PRELID2: variants seen among roughly 807,000 people sequenced by gnomAD.
The protein encoded by PRELID2 is PRELI domain containing 2.
A neutral mutation model predicts 28.4 loss-of-function variants in PRELID2; 25 were observed. The ratio of observed to expected loss-of-function variants is 0.88; its 90% CI spans 0.64 to 1.23. The LOEUF is 1.23. PRELID2 is among the 50% of genes most tolerant of loss of function. PRELID2 has a pLI of 0.00. For synonymous variants in PRELID2, 76 were observed against 71.6 expected, an observed-to-expected ratio of 1.06 and a Z score of -0.31; for missense variants, 201 against 214.4, an observed-to-expected ratio of 0.94 and a Z score of 0.39.
chr5:145,481,296 A>G (rs1413290528), intron 1 of PRELID2, among the ~76,000 whole-genome samples: 1 of 151,626 alleles, frequency 6.6e-6, no homozygotes, highest in Non-Finnish European at 1.5e-5. Flanking sequence ...TTTTCTTTTA[A>G]CTTTTAATTC....
the PRELID2 span, among the ~76,000 whole-genome samples, chr5:145,414,608 C>A: frequency 6.6e-6 from 1 of 152,108 alleles, no homozygotes; most frequent in Non-Finnish European, 1.5e-5. Context: ...ATATAGTAGG[C>A]CTTCAATAAA....
intron 1 of PRELID2, among the ~76,000 whole-genome samples, chr5:145,490,998 CA>C (rs1193782008): frequency 6.6e-6 from 1 of 150,816 alleles, no homozygotes; most frequent in Admixed American, 6.7e-5. Flanking sequence ...CACCTGTCTT[CA>C]AAACTTCTTC....
At chr5:145,360,351 G>A in the PRELID2 span, among the ~76,000 whole-genome samples, 1 of 152,112 alleles carries the variant, frequency 6.6e-6, no homozygotes, top group Admixed American at 6.6e-5. Flanking sequence ...AAAGGCAAAA[G>A]CATAAGCAGT....
At chr5:145,230,109 A>G in the PRELID2 span, 77 of 593,542 alleles carry the variant, frequency 1.3e-4, no homozygotes, top group Admixed American at 1.6e-3. Context: ...CCCCAAGTAC[A>G]GGTGCTAATT....
chr5:145,694,110 T>G (rs558326635), intron 1 of PRELID2, among the ~76,000 whole-genome samples: 36 of 152,330 alleles, frequency 2.4e-4, no homozygotes, highest in Non-Finnish European at 4.1e-4. Flanking sequence ...AGCATAAATT[T>G]GTTGTGAGAA....
At chr5:145,772,765 TTCTTCCTTTCTTTATTG>T (rs1758188497) in intron 5 of PRELID2, among the ~76,000 whole-genome samples, 1 of 152,222 alleles carries the variant, frequency 6.6e-6, no homozygotes, top group Non-Finnish European at 1.5e-5. Flanking sequence ...GCAAGAGCTT[TTCTTCCTTTCTTTATTG>T]GCTGTATTCA....
intron 1 of PRELID2, among the ~76,000 whole-genome samples, chr5:145,659,097 G>A (rs1378637932): frequency 6.6e-6 from 1 of 152,154 alleles, no homozygotes; most frequent in Non-Finnish European, 1.5e-5. Flanking sequence ...TGGAGTTAGG[G>A]AAGGGTCGGA....
intron 1 of PRELID2, among the ~76,000 whole-genome samples, chr5:145,578,128 T>C (rs1580982937): frequency 6.6e-6 from 1 of 152,148 alleles, no homozygotes. Flanking sequence ...TTGACCTTAC[T>C]ACCACTAGAA....
the PRELID2 span, chr5:145,229,773 C>T: frequency 1.3e-6 from 1 of 754,688 alleles, no homozygotes; most frequent in South Asian, 1.3e-5. Flanking sequence ...ATTTGCTGAG[C>T]TGATATACAC....
chr5:145,792,692 T>C (rs1180744261), intron 5 of PRELID2, among the ~76,000 whole-genome samples: 1 of 152,132 alleles, frequency 6.6e-6, no homozygotes. Context: ...TCTAGTTGTC[T>C]AGACTGTATG....
rs531134893 is a variant in PRELID2 at position 145,646,321 on chromosome 5, G to C, written n.70+118610C>G. On this transcript the variant is annotated intron_variant and non_coding_transcript_variant, in intron 1 of 2. Transcript: ENST00000510259. ...TGATATCCTTTCTTCCTCTTGATCT[G>C]TACGGCTATTGATACTTGTGTATGC... Among the ~76,000 whole-genome samples, 3 of 151,984 alleles carry C rather than the reference G, an allele frequency of 2.0e-5. No homozygotes were observed. The South Asian group carries it at 6.2e-4, about 32-fold the overall frequency.
intron 1 of PRELID2, among the ~76,000 whole-genome samples, chr5:145,493,396 C>T (rs982390637): frequency 1.3e-5 from 2 of 152,180 alleles, no homozygotes; most frequent in African/African-American, 4.8e-5. Flanking sequence ...CTTTCACAGA[C>T]CACCAACTAA....
chr5:145,379,698 CA>C, the PRELID2 span, among the ~76,000 whole-genome samples: 7 of 152,032 alleles, frequency 4.6e-5, no homozygotes, highest in African/African-American at 1.7e-4. Context: ...GACAGCAAAG[CA>C]ATGTGGGGAG....
At chr5:145,556,999 T>G (rs1375546002) in intron 1 of PRELID2, among the ~76,000 whole-genome samples, 1 of 152,196 alleles carries the variant, frequency 6.6e-6, no homozygotes, top group African/African-American at 2.4e-5. Context: ...GACTTAACTT[T>G]TTAGCACTTA....
chr5:145,727,120 G>C (rs1469934306), intron 1 of PRELID2, among the ~76,000 whole-genome samples: 1 of 152,224 alleles, frequency 6.6e-6, no homozygotes, highest in Non-Finnish European at 1.5e-5. Flanking sequence ...GGGGTTGAAA[G>C]GGAGCACTGC....
intron 1 of PRELID2, among the ~76,000 whole-genome samples, chr5:145,570,234 G>C (rs1276594480): frequency 1.3e-5 from 2 of 152,030 alleles, no homozygotes; most frequent in Non-Finnish European, 2.9e-5. Context: ...TGGGGGTTAG[G>C]ACATCAATAT....
chr5:145,267,599 G>C, the PRELID2 span, among the ~76,000 whole-genome samples: 1 of 152,144 alleles, frequency 6.6e-6, no homozygotes, highest in South Asian at 2.1e-4. Flanking sequence ...TGGCTATTGT[G>C]AACAGTGCTG....
At chr5:145,379,375 G>T in the PRELID2 span, among the ~76,000 whole-genome samples, 1 of 152,146 alleles carries the variant, frequency 6.6e-6, no homozygotes, top group Non-Finnish European at 1.5e-5. Flanking sequence ...AATGGCAGAG[G>T]CAATGCAGCT....
chr5:145,268,415 GT>G, the PRELID2 span, among the ~76,000 whole-genome samples: 22 of 152,220 alleles, frequency 1.4e-4, no homozygotes, highest in African/African-American at 5.3e-4. Flanking sequence ...CTCACTGTGT[GT>G]TTTTAGCACC....
Sources: allele counts gnomAD v4.1 joint callset (sites outside exome capture counted in the v4.1 genomes callset), GRCh38; gene constraint gnomAD v4.1.1; transcripts MANE v1.5; gene names NCBI Gene and HGNC (gene_info 2026-07-23, HGNC 2026-07-21).